The following TRHDE variants were observed in gnomAD, a reference collection of about 807,000 sequenced individuals.
TRHDE encodes thyrotropin releasing hormone degrading enzyme.
TRHDE carries 72 observed loss-of-function variants against 125.7 expected under a neutral mutation model. That is an observed-to-expected ratio of 0.57 (90% CI 0.47 to 0.70). The LOEUF is 0.70. TRHDE is among the 30% of genes least tolerant of loss of function. TRHDE has a pLI of 0.00. For missense variants in TRHDE, 1,110 were observed against 1,327.1 expected (o/e 0.84, Z 2.54); for synonymous variants, 509 against 509.1 (o/e 1.00, Z 0.00).
chr12:72,475,896 T>C (rs1876869200), intron 5 of TRHDE, among the ~76,000 whole-genome samples: 1 of 152,048 alleles, frequency 6.6e-6, no homozygotes, highest in Non-Finnish European at 1.5e-5. Context: ...CAAGTCTTAT[T>C]ATGATGGGTT....
chr12:72,500,639 G>A (rs1386172732), intron 6 of TRHDE, among the ~76,000 whole-genome samples: 3 of 152,058 alleles, frequency 2.0e-5, no homozygotes, highest in East Asian at 1.9e-4. Flanking sequence ...TAATCCACCC[G>A]CCTCTGCCTC....
intron 6 of TRHDE, among the ~76,000 whole-genome samples, chr12:72,505,199 A>T (rs909621254): frequency 2.0e-5 from 3 of 152,092 alleles, no homozygotes; most frequent in Non-Finnish European, 2.9e-5. Context: ...AGAATAAAAA[A>T]CTCCTAAAAT....
chr12:72,514,727 G>T (rs1410817756), intron 6 of TRHDE, among the ~76,000 whole-genome samples: 1 of 150,546 alleles, frequency 6.6e-6, no homozygotes, highest in Non-Finnish European at 1.5e-5. Flanking sequence ...ATGCTGGTGC[G>T]CTGCACCCAC....
intron 3 of TRHDE, among the ~76,000 whole-genome samples, chr12:72,394,868 T>C (rs894233884): frequency 6.6e-6 from 1 of 152,220 alleles, no homozygotes; most frequent in Non-Finnish European, 1.5e-5. Flanking sequence ...TGAATTAATC[T>C]ACTGTTACCT....
At chr12:72,446,410 A>T (rs1875287864) in intron 3 of TRHDE, among the ~76,000 whole-genome samples, 1 of 152,064 alleles carries the variant, frequency 6.6e-6, no homozygotes, top group Admixed American at 6.6e-5. Context: ...AAACATGCCA[A>T]ATTCTAAAGA....
intron 3 of TRHDE, among the ~76,000 whole-genome samples, chr12:72,429,906 C>T (rs1874371006): frequency 6.6e-6 from 1 of 151,604 alleles, no homozygotes; most frequent in African/African-American, 2.4e-5. Flanking sequence ...ACATAGAAGT[C>T]CCTTATCAGA....
intron 15 of TRHDE, among the ~76,000 whole-genome samples, chr12:72,633,980 G>A (rs1400042858): frequency 6.6e-6 from 1 of 152,060 alleles, no homozygotes; most frequent in African/African-American, 2.4e-5. Context: ...GAGGAGGAGT[G>A]TCATTATCAA....
intron 3 of TRHDE, among the ~76,000 whole-genome samples, chr12:72,449,355 C>A (rs1331692360): frequency 6.6e-6 from 1 of 151,938 alleles, no homozygotes; most frequent in Non-Finnish European, 1.5e-5. Context: ...CACTGGTAAT[C>A]CATAATAAAC....
chr12:72,277,729 A>G, intron 1 of TRHDE, among the ~76,000 whole-genome samples: 1 of 152,154 alleles, frequency 6.6e-6, no homozygotes, highest in Non-Finnish European at 1.5e-5. Context: ...CTCAGGGAGA[A>G]AATCTATGCA....
At chr12:72,594,700 A>G (rs1158208941) in intron 12 of TRHDE, among the ~76,000 whole-genome samples, 2 of 151,376 alleles carry the variant, frequency 1.3e-5, no homozygotes, top group Admixed American at 1.3e-4. Flanking sequence ...AACTACTCTA[A>G]TGTGGCAATT....
chr12:72,373,236 A>T, intron 2 of TRHDE, among the ~76,000 whole-genome samples: 1 of 152,246 alleles, frequency 6.6e-6, no homozygotes, highest in African/African-American at 2.4e-5. Flanking sequence ...TTGTACATTG[A>T]TTTTGTATCC....
chr12:72,493,856 T>G (rs2135929277), intron 5 of TRHDE, among the ~76,000 whole-genome samples: 1 of 152,090 alleles, frequency 6.6e-6, no homozygotes. Context: ...AATATTCAAT[T>G]CAAACTCTAC....
At chr12:72,226,145 C>T (rs1228843767) in intron 2 of TRHDE, among the ~76,000 whole-genome samples, 1 of 152,186 alleles carries the variant, frequency 6.6e-6, no homozygotes, top group Non-Finnish European at 1.5e-5. Flanking sequence ...CCTTTATTTC[C>T]ACAGGATTTT....
At chr12:72,296,367 G>C (rs746327184) in intron 2 of TRHDE, among the ~76,000 whole-genome samples, 33 of 152,248 alleles carry the variant, frequency 2.2e-4, no homozygotes, top group Non-Finnish European at 3.1e-4. Flanking sequence ...AGTTACTAAA[G>C]AGAGTTGGGT....
At chr12:72,361,098 C>T (rs750515192) in intron 2 of TRHDE, among the ~76,000 whole-genome samples, 2 of 151,826 alleles carry the variant, frequency 1.3e-5, no homozygotes, top group Non-Finnish European at 2.9e-5. Flanking sequence ...TCTGTTCCTG[C>T]GCTAGTTTGC....
chr12:72,417,127 A>C (rs571421416), intron 3 of TRHDE, among the ~76,000 whole-genome samples: 1 of 152,036 alleles, frequency 6.6e-6, no homozygotes, highest in Admixed American at 6.6e-5. Context: ...ATTTGTAGCT[A>C]CTTTAAATGA....
intron 1 of TRHDE, among the ~76,000 whole-genome samples, chr12:72,284,876 T>A (rs1488527629): frequency 1.3e-5 from 2 of 152,230 alleles, no homozygotes; most frequent in African/African-American, 4.8e-5. Flanking sequence ...TATCTCATTC[T>A]ATCATTTTGA....
intron 12 of TRHDE, among the ~76,000 whole-genome samples, chr12:72,618,493 C>T (rs1302739920): frequency 6.6e-6 from 1 of 152,010 alleles, no homozygotes; most frequent in African/African-American, 2.4e-5. Context: ...AATATCATTA[C>T]CCTGAGCTAA....
intron 12 of TRHDE, among the ~76,000 whole-genome samples, chr12:72,581,553 T>A (rs1332058383): frequency 6.6e-6 from 1 of 152,214 alleles, no homozygotes; most frequent in Non-Finnish European, 1.5e-5. Flanking sequence ...ATATTCAATT[T>A]TGCAAAACAC....
Sources: allele counts gnomAD v4.1 joint callset (sites outside exome capture counted in the v4.1 genomes callset), GRCh38; gene constraint gnomAD v4.1.1; transcripts MANE v1.5; gene names NCBI Gene and HGNC (gene_info 2026-07-23, HGNC 2026-07-21).